The following NRG3 variants were observed in gnomAD, a reference collection of about 807,000 sequenced individuals.
NRG3 encodes neuregulin 3.
A neutral mutation model predicts 66.9 loss-of-function variants in NRG3; 31 were observed. That is an observed-to-expected ratio of 0.46 (90% CI 0.35 to 0.63). NRG3 has a LOEUF of 0.63. Ranked by LOEUF, NRG3 falls within the 20% of genes least tolerant of loss-of-function variation. The probability of loss-of-function intolerance (pLI) is 0.00; values close to 1 mark genes in which losing one functional copy is unlikely to be tolerated. For missense variants in NRG3, 910 were observed against 878.9 expected (o/e 1.04, Z -0.45); for synonymous variants, 393 against 359.4 (o/e 1.09, Z -1.06).
chr10:82,952,323 C>T (rs1184547050), intron 5 of NRG3, among the ~76,000 whole-genome samples: 1 of 151,730 alleles, frequency 6.6e-6, no homozygotes, highest in East Asian at 1.9e-4. Context: ...GTCCCACCTA[C>T]TTGGGAGGCT....
chr10:82,017,028 G>T (rs918419054), intron 1 of NRG3, among the ~76,000 whole-genome samples: 1 of 152,164 alleles, frequency 6.6e-6, no homozygotes, highest in African/African-American at 2.4e-5. Flanking sequence ...TTGGTGTGCT[G>T]CATCCATTAA....
At chr10:82,978,923 T>C (rs1178591142) in intron 7 of NRG3, 27 bp from the exon 8 acceptor site, 1 of 1,607,310 alleles carries the variant, frequency 6.2e-7, no homozygotes, top group South Asian at 1.1e-5. Flanking sequence ...GTTTGTTTGT[T>C]TGTCTGTTTT....
chr10:82,855,409 T>G (rs1321147717), intron 3 of NRG3, among the ~76,000 whole-genome samples: 1 of 152,094 alleles, frequency 6.6e-6, no homozygotes, highest in Admixed American at 6.5e-5. Flanking sequence ...TGTGTGTCTT[T>G]TTTTTAAAGA....
At chr10:82,782,143 G>C (rs996704904) in intron 3 of NRG3, among the ~76,000 whole-genome samples, 5 of 152,174 alleles carry the variant, frequency 3.3e-5, no homozygotes, top group Non-Finnish European at 5.9e-5. Context: ...CAAAATTCAT[G>C]TGTTGGTAAC....
At chr10:82,753,727 T>A (rs1392625434) in intron 3 of NRG3, among the ~76,000 whole-genome samples, 1 of 152,034 alleles carries the variant, frequency 6.6e-6, no homozygotes, top group African/African-American at 2.4e-5. Context: ...GGTGGGCAGA[T>A]CATGAGGTTA....
At position 82,835,298 on chromosome 10, in the gene NRG3, A is replaced by G. The variant is rs148267262; in HGVS notation, c.1028-30113A>G. 9.8e-5 allele frequency among the ~76,000 whole-genome samples: 15 copies of G among 152,302 alleles called. No homozygotes were observed. In the East Asian group the frequency reaches 2.5e-3, roughly 25 times the overall value. On this transcript the variant is annotated intron_variant, in intron 3 of 8. Coordinates refer to ENST00000372141, the MANE Select transcript of NRG3 (RefSeq NM_001010848.4). ...GGCAGCTGGAGACAGGAAATTTCAT[A>G]TAACTGGGTTGTGTCTGAACAGAAT...
At chr10:82,599,641 C>T (rs1209018994) in intron 2 of NRG3, among the ~76,000 whole-genome samples, 2 of 152,062 alleles carry the variant, frequency 1.3e-5, no homozygotes, top group Admixed American at 6.6e-5. Flanking sequence ...TGGTGAAACC[C>T]CGTCTCTATT....
intron 3 of NRG3, among the ~76,000 whole-genome samples, chr10:82,766,126 TAG>T (rs1258537608): frequency 6.6e-6 from 1 of 152,202 alleles, no homozygotes; most frequent in African/African-American, 2.4e-5. Flanking sequence ...GTGAAGAATT[TAG>T]AGTTTGCTAA....
intron 2 of NRG3, among the ~76,000 whole-genome samples, chr10:82,606,556 A>G (rs966905585): frequency 2.0e-5 from 3 of 152,128 alleles, no homozygotes; most frequent in African/African-American, 7.2e-5. Flanking sequence ...GTTCATTTAA[A>G]CTATGTTCTT....
intron 1 of NRG3, among the ~76,000 whole-genome samples, chr10:82,169,794 C>T (rs1391997270): frequency 6.6e-6 from 1 of 151,516 alleles, no homozygotes; most frequent in African/African-American, 2.4e-5. Flanking sequence ...TCTGATCTTT[C>T]AGTATATCAT....
At chr10:82,015,802 A>T (rs1047138537) in intron 1 of NRG3, among the ~76,000 whole-genome samples, 13 of 151,948 alleles carry the variant, frequency 8.6e-5, no homozygotes, top group Non-Finnish European at 1.5e-5. Flanking sequence ...ACTGTATGGC[A>T]TAATTTAATT....
chr10:82,917,507 A>G (rs1208218154), intron 4 of NRG3, among the ~76,000 whole-genome samples: 2 of 152,186 alleles, frequency 1.3e-5, no homozygotes, highest in Non-Finnish European at 2.9e-5. Flanking sequence ...GTTAACCTGT[A>G]GCAGGTGGCA....
chr10:81,996,063 A>C (rs1451455651), intron 1 of NRG3, among the ~76,000 whole-genome samples: 1 of 152,196 alleles, frequency 6.6e-6, no homozygotes, highest in African/African-American at 2.4e-5. Context: ...TCTGCTTTCA[A>C]ATTTCAAGAA....
At chr10:81,936,739 A>C (rs968033919) in intron 1 of NRG3, among the ~76,000 whole-genome samples, 1 of 152,182 alleles carries the variant, frequency 6.6e-6, no homozygotes, top group African/African-American at 2.4e-5. Flanking sequence ...TCATGGTCCA[A>C]AATGGTGATT....
At chr10:82,779,299 G>A (rs939991642) in intron 3 of NRG3, among the ~76,000 whole-genome samples, 4 of 152,050 alleles carry the variant, frequency 2.6e-5, no homozygotes, top group Admixed American at 1.3e-4. Context: ...TTCCATCATG[G>A]CAGAAATACT....
chr10:82,093,041 A>G (rs1366006106), intron 1 of NRG3, among the ~76,000 whole-genome samples: 6 of 152,176 alleles, frequency 3.9e-5, no homozygotes, highest in Non-Finnish European at 2.9e-5. Flanking sequence ...TGCAAGTGAG[A>G]TAAAGCCTTA....
intron 4 of NRG3, among the ~76,000 whole-genome samples, chr10:82,916,808 G>A (rs1220212344): frequency 6.6e-6 from 1 of 152,132 alleles, no homozygotes; most frequent in Admixed American, 6.5e-5. Context: ...TAGAGATGGA[G>A]TTTCACCATG....
At chr10:82,048,691 T>G (rs2063436929) in intron 1 of NRG3, among the ~76,000 whole-genome samples, 2 of 151,720 alleles carry the variant, frequency 1.3e-5, no homozygotes, top group Admixed American at 1.3e-4. Context: ...TTAAAATAAT[T>G]AGAAAAGCAA....
chr10:81,985,537 C>T (rs887647370), intron 1 of NRG3, among the ~76,000 whole-genome samples: 6 of 152,166 alleles, frequency 3.9e-5, no homozygotes, highest in African/African-American at 1.4e-4. Flanking sequence ...AAATGTCTCT[C>T]CTTATTGTAA....
Sources: allele counts gnomAD v4.1 joint callset (sites outside exome capture counted in the v4.1 genomes callset), GRCh38; gene constraint gnomAD v4.1.1; transcripts MANE v1.5; gene names NCBI Gene and HGNC (gene_info 2026-07-23, HGNC 2026-07-21).